Variants in MS4A14 observed in about 807,000 individuals in gnomAD.
MS4A14 encodes the protein membrane spanning 4-domains A14, also known as membrane-spanning 4-domains subfamily A member 14.
Under a neutral mutation model 16.7 loss-of-function variants are expected in MS4A14, and 18 were observed. That is an observed-to-expected ratio of 1.08 (90% CI 0.75 to 1.60). The LOEUF is 1.60. Among genes scored for constraint, MS4A14 ranks in the 40% most tolerant of loss-of-function variants. The probability of loss-of-function intolerance (pLI) is 0.00; values close to 1 mark genes in which losing one functional copy is unlikely to be tolerated. For synonymous variants in MS4A14, 305 were observed against 289.4 expected, an observed-to-expected ratio of 1.05 and a Z score of -0.55; for missense variants, 812 against 775.3, an observed-to-expected ratio of 1.05 and a Z score of -0.56.
chr11:60,396,835 C>T, intron 1 of MS4A14, 119 bp downstream of exon 1: 1 of 1,039,190 alleles, frequency 9.6e-7, no homozygotes, highest in Non-Finnish European at 1.4e-6. Flanking sequence ...TCTACTTTTC[C>T]CCCTTCACCT....
chr11:60,402,790 C>A, intron 3 of MS4A14, 122 bp from the exon 4 acceptor site: 1 of 984,454 alleles, frequency 1.0e-6, no homozygotes, highest in Non-Finnish European at 1.5e-6. Flanking sequence ...TCATACTGAC[C>A]TGATGGAACA....
intron 4 of MS4A14, chr11:60,405,793 C>G (rs1447668315): frequency 2.3e-6 from 2 of 871,458 alleles, no homozygotes; most frequent in Admixed American, 4.8e-5. Flanking sequence ...ATGGGTTTCC[C>G]ATACTTGGTG....
chr11:60,406,363 GAA>G (rs370747374), intron 4 of MS4A14, among the ~76,000 whole-genome samples: 129 of 151,906 alleles, frequency 8.5e-4, no homozygotes, highest in African/African-American at 3.0e-3. Flanking sequence ...AAAGAAATAG[GAA>G]AAAAAGCTGT....
At chr11:60,398,564 A>G (rs1451365352) in intron 2 of MS4A14, among the ~76,000 whole-genome samples, 1 of 152,196 alleles carries the variant, frequency 6.6e-6, no homozygotes, top group Non-Finnish European at 1.5e-5. Flanking sequence ...TTCTCCTACT[A>G]TAACATACAC....
At chr11:60,396,867 T>C (rs1019147998) in intron 1 of MS4A14, 151 bp downstream of exon 1, 3 of 787,982 alleles carry the variant, frequency 3.8e-6, no homozygotes, top group Non-Finnish European at 5.8e-6. Context: ...TTAGTACTGA[T>C]CTTTGAATCC....
chr11:60,400,829 A>G (rs1416733064), intron 3 of MS4A14, among the ~76,000 whole-genome samples: 1 of 152,208 alleles, frequency 6.6e-6, no homozygotes, highest in Non-Finnish European at 1.5e-5. Flanking sequence ...GAGGCCAGGG[A>G]CATTTCTAAG....
chr11:60,410,838 T>TG (rs1304511798), intron 4 of MS4A14, among the ~76,000 whole-genome samples: 1 of 152,070 alleles, frequency 6.6e-6, no homozygotes, highest in African/African-American at 2.4e-5. Context: ...TGGGTTTTTT[T>TG]TTTTGTTTGT....
At position 60,416,838 on chromosome 11, in the gene MS4A14, G is replaced by T. The variant is rs751008533; in HGVS notation, c.1870G>T (p.Val624Phe). 1 of 1,613,706 alleles carries T rather than the reference G, an allele frequency of 6.2e-7. No homozygotes were observed. The highest frequency in any genetic ancestry group is 8.5e-7 in the Non-Finnish European group (1 of 1,179,824). The change falls in exon 5 of 5, where the codon GTT (valine) becomes TTT (phenylalanine). Residue 624 changes from valine to phenylalanine, a missense_variant. Coordinates refer to ENST00000300187, the MANE Select transcript of MS4A14 (RefSeq NM_032597.5). ...KKSPKGQFQN[V>F]QAEGQQAQVE... The stretch of plus-strand genomic sequence containing the variant: ...ATCCCCGAAAGGACAATTCCAAAAT[G>T]TTCAAGCCGAAGGACAGCAAGCTCA...
chr11:60,415,411 A>G (rs763125394), intron 4 of MS4A14, 26 bp from the exon 5 acceptor site: 2 of 1,556,726 alleles, frequency 1.3e-6, no homozygotes, highest in Non-Finnish European at 1.7e-6. Flanking sequence ...CTGTCATATT[A>G]ATTACCCTCA....
At position 60,412,403 on chromosome 11, in the gene MS4A14, T is replaced by C. The variant is rs142143631; in HGVS notation, c.469-3034T>C. ...AGGAACTTTTAGATTACGAATCTTT[T>C]TACTTGTTATGGATCTGTAAAGATT... is the stretch of plus-strand genomic sequence containing the variant. On this transcript the variant is annotated intron_variant, in intron 4 of 4. Transcript: ENST00000300187. 1.4e-4 allele frequency among the ~76,000 whole-genome samples: 21 copies of C among 152,072 alleles called. No homozygotes were observed. In the East Asian group the frequency reaches 4.0e-3, roughly 29 times the overall value.
chr11:60,404,167 G>C (rs1209179397), intron 4 of MS4A14, among the ~76,000 whole-genome samples: 1 of 152,194 alleles, frequency 6.6e-6, no homozygotes, highest in Admixed American at 6.5e-5. Context: ...TACCCGAAAG[G>C]GTTAAATCTC....
At chr11:60,398,125 C>G in intron 2 of MS4A14, 145 bp downstream of exon 2, 1 of 719,562 alleles carries the variant, frequency 1.4e-6, no homozygotes, top group East Asian at 3.0e-5. Context: ...AGAAGCAACT[C>G]CATTTGGTCA....
At chr11:60,403,172 G>C in intron 4 of MS4A14, 111 bp downstream of exon 4, 1 of 1,221,234 alleles carries the variant, frequency 8.2e-7, no homozygotes, top group South Asian at 1.2e-5. Flanking sequence ...GTCAGCATTT[G>C]AACTGACGGT....
intron 4 of MS4A14, chr11:60,405,982 G>T: frequency 1.3e-6 from 2 of 1,515,566 alleles, no homozygotes; most frequent in South Asian, 2.5e-5. Context: ...GACACAGTCA[G>T]ATGAGGTGTG....
In MS4A14 at chr11:60,415,824, C is replaced by A. The variant is rs114064661; in HGVS notation, c.856C>A (p.Pro286Thr). ...DEDLQSAIVQ[P>T]SQMQTKLLQD... ...AGATCTACAATCTGCTATTGTACAACCTTCTCAAATGCAAACCAAGCTTCT... is the reference window on the plus strand; with the variant it reads ...AGATCTACAATCTGCTATTGTACAAACTTCTCAAATGCAAACCAAGCTTCT... The change falls in exon 5 of 5, where the codon CCT becomes ACT. Residue 286 changes from proline to threonine, a missense_variant. By Grantham distance (38) the Pro-to-Thr change is conservative (BLOSUM62 -1). Transcript: ENST00000300187. The A allele has an allele frequency of 9.9e-6, 16 of 1,613,908 alleles. No individual in the cohort carries two copies. Among genetic ancestry groups the A allele is most frequent in the East Asian group, 2.2e-5 (1 of 44,884 alleles).
In MS4A14 at chr11:60,397,490, G is replaced by A. The variant is rs141571084; in HGVS notation, c.139-362G>A. On this transcript the variant is annotated intron_variant, in intron 1 of 4. Transcript: ENST00000300187. The stretch of plus-strand genomic sequence containing the variant: ...ATAATAGGATACTGGTGAGACAGAC[G>A]AAAAAACAAATGTAAAGGTGAATAG... Among the ~76,000 whole-genome samples the A allele has an allele frequency of 4.5e-4, 69 of 152,180 alleles. 1 individual carries two copies. Among genetic ancestry groups the A allele is most frequent in the African/African-American group, 1.5e-3 (63 of 41,534 alleles).
At chr11:60,403,264 T>C (rs1417408947) in intron 4 of MS4A14, 7 of 561,758 alleles carry the variant, frequency 1.2e-5, no homozygotes, top group Non-Finnish European at 2.2e-5. Context: ...CACAAGCTTG[T>C]CACCTTGGCC....
At chr11:60,411,432 A>G (rs1006450602) in intron 4 of MS4A14, among the ~76,000 whole-genome samples, 4 of 152,210 alleles carry the variant, frequency 2.6e-5, no homozygotes, top group African/African-American at 9.6e-5. Context: ...TAGGTCTCCA[A>G]TTACATTCAG....
At chr11:60,400,535 A>C in intron 3 of MS4A14, 81 bp downstream of exon 3, 1 of 1,016,658 alleles carries the variant, frequency 9.8e-7, no homozygotes. Context: ...TTAGTAATAA[A>C]GTTACCTTTC....
Sources: allele counts gnomAD v4.1 joint callset (sites outside exome capture counted in the v4.1 genomes callset), GRCh38; gene constraint gnomAD v4.1.1; transcripts MANE v1.5; gene names NCBI Gene and HGNC (gene_info 2026-07-23, HGNC 2026-07-21).